MGAM: variants seen among roughly 807,000 people sequenced by gnomAD.
MGAM encodes the protein maltase-glucoamylase, also known as alpha-1,4-glucosidase.
In MGAM, 253 loss-of-function variants were observed where a neutral mutation model predicts 358.8. The ratio of observed to expected loss-of-function variants is 0.71; its 90% CI spans 0.64 to 0.78. The LOEUF is 0.78. MGAM is among the 30% of genes least tolerant of loss of function. The pLI is 0.00. For synonymous variants in MGAM, 1,105 were observed against 1,227.1 expected (o/e 0.90, Z 2.08); for missense variants, 3,080 against 3,432.6 (o/e 0.90, Z 2.57).
intron 70 of MGAM, among the ~76,000 whole-genome samples, chr7:142,103,820 G>A (rs1243004531): frequency 6.6e-6 from 1 of 151,920 alleles, no homozygotes; most frequent in African/African-American, 2.4e-5. Flanking sequence ...AAGAAAAAAG[G>A]ATGACAAAAC....
At position 142,065,975 on chromosome 7, in the gene MGAM, T is replaced by TG; in HGVS notation, c.4770+144_4770+145insG. 3 of 796,494 alleles carry TG rather than the reference T, an allele frequency of 3.8e-6. 1 individual carries two copies. In the South Asian group the frequency reaches 5.9e-5, roughly 16 times the overall value. The allele number at this position is 796,494 out of a possible 1,614,324, so 49.3% of individuals were successfully genotyped here. A position where few individuals can be genotyped will look rare whatever the true frequency, so the allele number is the denominator to read the frequency against. ...TTTGTTTTGTTTTGTTTTGTTTTTT[T>TG]TTTTGAAACAGGGATTTACTCTGTT... On this transcript the variant is annotated intron_variant, in intron 40 of 70. Transcript: ENST00000475668.
In MGAM at chr7:142,027,106, C is replaced by T. The variant is rs782074908; in HGVS notation, c.983-9C>T. ...TGATTTTTATTTTCTTCATTTTTAA[C>T]CTTTCAAGAGGTTGTCCTTCAGCCT... On this transcript the variant is annotated splice_polypyrimidine_tract_variant and intron_variant, in intron 8 of 70. Transcript: ENST00000475668. 5 of 1,597,272 alleles carry T rather than the reference C, an allele frequency of 3.1e-6. No individual in the cohort carries two copies. The highest frequency in any genetic ancestry group is 4.3e-6 in the Non-Finnish European group (5 of 1,165,818).
intron 66 of MGAM, among the ~76,000 whole-genome samples, chr7:142,097,945 G>A (rs1816089991): frequency 6.6e-6 from 1 of 152,152 alleles, no homozygotes; most frequent in Non-Finnish European, 1.5e-5. Context: ...ACAATGTTTT[G>A]TAAAGGCAGA....
rs1811952482 is a variant in MGAM at position 142,059,940 on chromosome 7, A to G, written c.4033A>G (p.Asn1345Asp). Residue 1345 changes from asparagine to aspartate, a missense_variant, in exon 33 of 71, where the codon AAT (asparagine) becomes GAT (aspartate). Asn to Asp is a conservative substitution (Grantham distance 23). This residue lies in a region of MGAM where 1,816 missense variants were observed against 1,840.5 expected (regional missense o/e 0.99). Transcript: ENST00000475668. ...VEDDVFIKYPNDGDIVWGKVW... is the reference protein window; with the variant it reads ...VEDDVFIKYPDDGDIVWGKVW... ...GGATGACGTCTTCATCAAATACCCAAATGATGGAGACATTGTCTGGGGAAA... is the reference window on the plus strand; with the variant it reads ...GGATGACGTCTTCATCAAATACCCAGATGATGGAGACATTGTCTGGGGAAA... 1 of 1,608,092 alleles carries G rather than the reference A, an allele frequency of 6.2e-7. No individual in the cohort carries two copies. Among genetic ancestry groups the G allele is most frequent in the South Asian group, 1.1e-5 (1 of 89,580 alleles).
At chr7:142,094,718 C>T (rs1168948542) in intron 62 of MGAM, 29 bp from the exon 63 acceptor site, 2 of 1,613,242 alleles carry the variant, frequency 1.2e-6, no homozygotes, top group Admixed American at 1.7e-5. Flanking sequence ...AAATCATCAG[C>T]AGGCTCCTTT....
At chr7:141,998,416 C>T (rs1395895554) in intron 1 of MGAM, among the ~76,000 whole-genome samples, 4 of 152,222 alleles carry the variant, frequency 2.6e-5, no homozygotes, top group African/African-American at 9.6e-5. Context: ...AGCCCGCCAT[C>T]CCCTGACAGG....
chr7:142,086,889 T>C (rs1407971378), intron 57 of MGAM, among the ~76,000 whole-genome samples, 172 bp downstream of exon 57: 1 of 99,642 alleles, frequency 1.0e-5, no homozygotes, highest in Non-Finnish European at 2.2e-5. Context: ...GTAGTCATAC[T>C]TTACTGGCCA....
Position 142,027,183 on chromosome 7 carries a change from T to A in MGAM, c.1051T>A (p.Phe351Ile). The change falls in exon 9 of 71, where the codon TTC (phenylalanine) becomes ATC (isoleucine). Residue 351 changes from phenylalanine (F) to isoleucine (I), a missense_variant. Physicochemically the swap from Phe to Ile is conservative, Grantham distance 21. Transcript: ENST00000475668. ...TIGGILDFYV[F>I]LGNTPEQVVQ... ...TGGGGGCATTCTCGACTTCTATGTGTTCTTGGGAAACACTCCAGAGCAAGT... is the reference window on the plus strand; with the variant it reads ...TGGGGGCATTCTCGACTTCTATGTGATCTTGGGAAACACTCCAGAGCAAGT... 1 of 1,613,750 alleles carries A rather than the reference T, an allele frequency of 6.2e-7. No individual in the cohort carries two copies. The highest frequency in any genetic ancestry group is 8.5e-7 in the Non-Finnish European group (1 of 1,179,670).
intron 57 of MGAM, among the ~76,000 whole-genome samples, chr7:142,087,077 G>A (rs1485228304): frequency 2.9e-5 from 3 of 105,048 alleles, no homozygotes; most frequent in Non-Finnish European, 6.6e-5. Context: ...CTCTGAACTG[G>A]TATACTTAAC....
Position 142,040,763 on chromosome 7 carries a change from A to AC in MGAM, c.2416dup (p.Leu806ProfsTer41), listed in dbSNP as rs1290280626. 2 of 1,613,178 alleles carry AC rather than the reference A, an allele frequency of 1.2e-6. No homozygotes were observed. Among genetic ancestry groups the AC allele is most frequent in the Non-Finnish European group, 1.7e-6 (2 of 1,179,520 alleles). On this transcript the variant is annotated frameshift_variant, in exon 21 of 71. Coordinates refer to ENST00000475668, the MANE Select transcript of MGAM (RefSeq NM_001365693.1). LOFTEE classifies it high-confidence loss of function. ...GGAGGAAGCAAAAAGTCGAGATGGA[A>AC]CTTCCTGGAGACAAAATTGGACTTC...
intron 21 of MGAM, among the ~76,000 whole-genome samples, chr7:142,041,056 C>T (rs1808482645): frequency 1.3e-5 from 2 of 152,146 alleles, no homozygotes; most frequent in South Asian, 4.1e-4. Flanking sequence ...CTTGGCCACA[C>T]TGCATCCATG....
chr7:142,031,801 GTTTACACT>G lies in MGAM; in HGVS notation c.1584+10_1584+17del, dbSNP rs1563131946. On this transcript the variant is annotated intron_variant, in intron 13 of 70. Coordinates refer to ENST00000475668, the MANE Select transcript of MGAM (RefSeq NM_001365693.1). ...TTTGATGGAATCTGGATTGTGAGTT[GTTTACACT>G]TGGATTATTAGGTGACAAATATTCA... 1 of 1,545,952 alleles carries G rather than the reference GTTTACACT, an allele frequency of 6.5e-7. No individual in the cohort carries two copies. Among genetic ancestry groups the G allele is most frequent in the Admixed American group, 1.7e-5 (1 of 59,754 alleles).
At chr7:142,085,296 C>A (rs1407685519) in intron 54 of MGAM, among the ~76,000 whole-genome samples, 4 of 146,506 alleles carry the variant, frequency 2.7e-5, no homozygotes, top group African/African-American at 9.7e-5. Flanking sequence ...CATAGCGTTT[C>A]CATTAGTGGA....
intron 57 of MGAM, among the ~76,000 whole-genome samples, chr7:142,089,920 C>T (rs974493797): frequency 6.8e-6 from 1 of 146,536 alleles, no homozygotes; most frequent in Non-Finnish European, 1.5e-5. Context: ...CACTGATGTC[C>T]AGGTCTGGCT....
chr7:141,997,941 G>T (rs1235325895), intron 1 of MGAM, among the ~76,000 whole-genome samples: 1 of 152,124 alleles, frequency 6.6e-6, no homozygotes, highest in Non-Finnish European at 1.5e-5. Flanking sequence ...TATCCACAAT[G>T]AATCCTCTTT....
rs1563159218 is a variant in MGAM, at chr7:142,045,753, T to TTATATA, written c.2499-2032_2499-2031insTATATA. 7.1e-4 allele frequency among the ~76,000 whole-genome samples: 48 copies of TTATATA among 67,164 alleles called. 9 individuals carry two copies. The highest frequency in any genetic ancestry group is 1.5e-3 in the African/African-American group (20 of 13,378). 44.1% of individuals were successfully genotyped at this position (67,164 alleles called of 152,430 possible). ...ACAATGTATGAATATATAATATATA[T>TTATATA]CATATATACATACAATGTATGAATA... On this transcript the variant is annotated intron_variant, in intron 21 of 70. Transcript: ENST00000475668.
intron 18 of MGAM, among the ~76,000 whole-genome samples, chr7:142,038,130 A>T (rs775531720): frequency 6.6e-6 from 1 of 152,082 alleles, no homozygotes; most frequent in Non-Finnish European, 1.5e-5. Flanking sequence ...AGATCCCACA[A>T]ATAGGTGAAA....
At chr7:142,060,506 GTGT>G (rs1812059483) in intron 34 of MGAM, 133 bp downstream of exon 34, 2 of 1,056,136 alleles carry the variant, frequency 1.9e-6, no homozygotes, top group South Asian at 2.9e-5. Flanking sequence ...TGTGTCTTGG[GTGT>G]CATTCTGTAT....
At chr7:142,057,001 T>C in intron 30 of MGAM, 59 bp downstream of exon 30, 1 of 1,502,030 alleles carries the variant, frequency 6.7e-7, no homozygotes. Context: ...GGTGCCAGAG[T>C]CCACATTGAT....
Sources: allele counts gnomAD v4.1 joint callset (sites outside exome capture counted in the v4.1 genomes callset), GRCh38; gene constraint gnomAD v4.1.1; regional missense constraint gnomAD v4.1.1; transcripts MANE v1.5; gene names NCBI Gene and HGNC (gene_info 2026-07-23, HGNC 2026-07-21).